ZNF536: variants seen among roughly 807,000 people sequenced by gnomAD.
The protein encoded by ZNF536 is zinc finger protein 536.
Under a neutral mutation model 84.5 loss-of-function variants are expected in ZNF536, and 13 were observed. The ratio of observed to expected loss-of-function variants is 0.15; its 90% CI spans 0.10 to 0.24. The LOEUF is 0.24. Among genes scored for constraint, ZNF536 ranks in the 10% least tolerant of loss-of-function variants. ZNF536 has a pLI of 1.00. For missense variants in ZNF536, 1,536 were observed against 1,747.5 expected (o/e 0.88, Z 2.16); for synonymous variants, 811 against 742.5 (o/e 1.09, Z -1.50).
chr19:30,483,596 G>T (rs1448669300), intron 2 of ZNF536, among the ~76,000 whole-genome samples: 2 of 149,870 alleles, frequency 1.3e-5, no homozygotes, highest in African/African-American at 4.9e-5. Context: ...TCTTGCGTTT[G>T]TCCCCTTGTC....
intron 1 of ZNF536, among the ~76,000 whole-genome samples, chr19:30,656,765 C>A (rs2049930627): frequency 6.6e-6 from 1 of 152,212 alleles, no homozygotes; most frequent in African/African-American, 2.4e-5. Context: ...ACAGGCAAGG[C>A]CACCAAGCCA....
At position 30,557,197 on chromosome 19, in the gene ZNF536, G is replaced by T. The variant is rs1432612089; in HGVS notation, c.*33G>T. Reference sequence around the variant, plus strand: ...TGTCCTAGTCGGTCTATCTGGACTTGCCCTTGTCTGTTCGTGGTCCTCGGT... The same window carrying T: ...TGTCCTAGTCGGTCTATCTGGACTTTCCCTTGTCTGTTCGTGGTCCTCGGT... On this transcript the variant is annotated 3_prime_UTR_variant, in exon 5 of 5. Transcript: ENST00000355537. The T allele has an allele frequency of 6.2e-7, 1 of 1,612,786 alleles. No homozygotes were observed.
At chr19:30,420,464 A>G (rs952374211) in intron 1 of ZNF536, among the ~76,000 whole-genome samples, 4 of 152,204 alleles carry the variant, frequency 2.6e-5, no homozygotes, top group Admixed American at 2.0e-4. Context: ...CAGTTTCTTC[A>G]AAGTCTGCAA....
At chr19:30,661,765 A>G (rs540840156) in intron 1 of ZNF536, among the ~76,000 whole-genome samples, 2 of 152,364 alleles carry the variant, frequency 1.3e-5, no homozygotes, top group Admixed American at 6.5e-5. Flanking sequence ...ATTGCAGAGG[A>G]ATAATTAATG....
At chr19:30,308,659 A>G (rs2046410535) in intron 2 of ZNF536, among the ~76,000 whole-genome samples, 1 of 152,158 alleles carries the variant, frequency 6.6e-6, no homozygotes, top group African/African-American at 2.4e-5. Flanking sequence ...CTGCTAGGAA[A>G]GCCAGTGAGA....
chr19:30,372,832 C>CG (rs2147049859), intron 1 of ZNF536, among the ~76,000 whole-genome samples: 1 of 149,708 alleles, frequency 6.7e-6, no homozygotes, highest in African/African-American at 2.4e-5. Context: ...ATCACCCGCC[C>CG]CCCCCATCTA....
intron 1 of ZNF536, among the ~76,000 whole-genome samples, chr19:30,439,678 G>T (rs1192439662): frequency 6.6e-6 from 1 of 152,154 alleles, no homozygotes; most frequent in African/African-American, 2.4e-5. Flanking sequence ...CTCTGTGCAG[G>T]CTTCTCCCAG....
chr19:30,507,807 A>G lies in ZNF536; in HGVS notation c.2171-27040A>G, dbSNP rs142385394. Among the ~76,000 whole-genome samples the G allele has an allele frequency of 3.8e-3, 572 of 152,332 alleles. 2 individuals are homozygous for G. Among genetic ancestry groups the G allele is most frequent in the African/African-American group, 0.013 (537 of 41,576 alleles). On this transcript the variant is annotated intron_variant, in intron 2 of 4. Transcript: ENST00000355537. Reference sequence around the variant, plus strand: ...TGACTATTTTAACCCAGTAGGCACAAATAAGAGACAATCAGGCAGGTTGTT... The same window carrying G: ...TGACTATTTTAACCCAGTAGGCACAGATAAGAGACAATCAGGCAGGTTGTT...
chr19:30,464,328 G>A (rs2053288677), intron 2 of ZNF536, among the ~76,000 whole-genome samples: 1 of 152,162 alleles, frequency 6.6e-6, no homozygotes, highest in African/African-American at 2.4e-5. Context: ...GCCAGCTGGG[G>A]GTGTCGACCA....
At position 30,228,894 on chromosome 19, in the gene ZNF536, G is replaced by A. The variant is rs2144599322; in HGVS notation, c.-190+221G>A. Among the ~76,000 whole-genome samples, 1 of 151,626 alleles carries A rather than the reference G, an allele frequency of 6.6e-6. No individual in the cohort carries two copies. The highest frequency in any genetic ancestry group is 2.1e-4 in the South Asian group (1 of 4,776). On this transcript the variant is annotated intron_variant, in intron 1 of 5. Transcript: ENST00000585628. The surrounding 1 kb of genome is among the most constrained non-coding windows in gnomAD (Gnocchi z 4.5). ...CTGCTGACTTTTCGGGCCAGGTGAA[G>A]TGTTTGGGCCACGCGTGTACCTGTG...
At chr19:30,352,294 C>CA (rs1302957687) in intron 2 of ZNF536, 14 of 152,338 alleles carry the variant, frequency 9.2e-5, no homozygotes, top group Admixed American at 8.5e-4. Context: ...TTGACCTCTG[C>CA]ATATTGCTGT....
At chr19:30,379,154 T>C (rs2147138037) in intron 1 of ZNF536, among the ~76,000 whole-genome samples, 1 of 152,286 alleles carries the variant, frequency 6.6e-6, no homozygotes, top group East Asian at 1.9e-4. Flanking sequence ...TGTTTTGAAG[T>C]TTGTGTATTC....
chr19:30,444,274 T>C lies in ZNF536; in HGVS notation c.712T>C (p.Cys238Arg), dbSNP rs2148177045. Residue 238 changes from cysteine to arginine, a missense_variant, in exon 2 of 5, where the codon TGC becomes CGC. Coordinates refer to ENST00000355537, the MANE Select transcript of ZNF536 (RefSeq NM_014717.3). ...CGCCCAGCAGGCCCCGCTGGCCGCC[T>C]GCACCCTGGCCCTGCAGGCTAACCA... ...PHAQQAPLAA[C>R]TLALQANHSV... is the part of the protein sequence containing the mutation. 1 of 1,562,792 alleles carries C rather than the reference T, an allele frequency of 6.4e-7. No individual in the cohort carries two copies. Among genetic ancestry groups the C allele is most frequent in the Non-Finnish European group, 8.6e-7 (1 of 1,162,026 alleles).
At chr19:30,249,446 T>C (rs2024482150) in intron 1 of ZNF536, among the ~76,000 whole-genome samples, 1 of 152,106 alleles carries the variant, frequency 6.6e-6, no homozygotes, top group Non-Finnish European at 1.5e-5. Flanking sequence ...TTCCCTTGCA[T>C]TGTTTTTTTA....
At chr19:30,412,821 T>G (rs1369764638) in intron 1 of ZNF536, among the ~76,000 whole-genome samples, 2 of 152,022 alleles carry the variant, frequency 1.3e-5, no homozygotes, top group Non-Finnish European at 2.9e-5. Context: ...GACGATCTGT[T>G]TCTTTGAACT....
intron 1 of ZNF536, among the ~76,000 whole-genome samples, chr19:30,438,479 G>A (rs972600137): frequency 7.2e-5 from 11 of 152,164 alleles, no homozygotes; most frequent in Admixed American, 1.3e-4. Flanking sequence ...GGTCAGTGGG[G>A]CGTGTAGGCT....
At chr19:30,482,141 G>T (rs889622925) in intron 2 of ZNF536, among the ~76,000 whole-genome samples, 1 of 152,210 alleles carries the variant, frequency 6.6e-6, no homozygotes, top group Non-Finnish European at 1.5e-5. Context: ...ATGTGTGTGT[G>T]TGTGTGTATT....
intron 1 of ZNF536, among the ~76,000 whole-genome samples, chr19:30,419,585 A>G (rs926536554): frequency 4.6e-5 from 7 of 152,216 alleles, no homozygotes; most frequent in Admixed American, 6.5e-5. Flanking sequence ...TTTACAAACG[A>G]TAAATGTTGC....
intron 4 of ZNF536, chr19:30,556,053 C>A (rs2045954236): frequency 6.6e-6 from 1 of 152,186 alleles, no homozygotes; most frequent in Non-Finnish European, 1.5e-5. Context: ...TGAGCTGATT[C>A]TCACATGGAT....
Sources: allele counts gnomAD v4.1 joint callset (sites outside exome capture counted in the v4.1 genomes callset), GRCh38; gene constraint gnomAD v4.1.1; non-coding constraint Gnocchi (gnomAD v3.1); transcripts MANE v1.5; gene names NCBI Gene and HGNC (gene_info 2026-07-23, HGNC 2026-07-21).